ARL13B: variants seen among roughly 807,000 people sequenced by gnomAD.
ARL13B encodes the protein ADP-ribosylation factor-like protein 13B.
ARL13B carries 36 observed loss-of-function variants against 56.1 expected under a neutral mutation model. The observed-to-expected ratio is 0.64, with a 90% CI of 0.49 to 0.85. The LOEUF (loss-of-function observed/expected upper bound fraction) is 0.85. Ranked by LOEUF, ARL13B falls within the 40% of genes least tolerant of loss-of-function variation. The probability of loss-of-function intolerance (pLI) is 0.00; values close to 1 mark genes in which losing one functional copy is unlikely to be tolerated. For synonymous variants in ARL13B, 178 were observed against 171.1 expected (o/e 1.04, Z -0.32); for missense variants, 519 against 507.1 (o/e 1.02, Z -0.23).
chr3:94,055,323 T>C lies in ARL13B; in HGVS notation c.*2060T>C, dbSNP rs1431776121. On this transcript the variant is annotated 3_prime_UTR_variant, in exon 10 of 10. Coordinates refer to ENST00000394222, the MANE Select transcript of ARL13B (RefSeq NM_001174150.2). ...AATTGGTAGATTTAAATGATTTCCT[T>C]TGGGTAATAAAATAGGTAAAGATTT... The C allele has an allele frequency of 1.2e-5, 5 of 431,376 alleles. No homozygotes were observed. Among genetic ancestry groups the C allele is most frequent in the Admixed American group, 7.7e-5 (3 of 39,170 alleles). The allele number at this position is 431,376 out of a possible 1,614,324, so 26.7% of individuals were successfully genotyped here.
intron 7 of ARL13B, among the ~76,000 whole-genome samples, chr3:94,043,945 C>G (rs570264559): frequency 6.6e-6 from 1 of 151,688 alleles, no homozygotes; most frequent in Non-Finnish European, 1.5e-5. Flanking sequence ...GACGGAGTCT[C>G]GCTCACTCAA....
At chr3:93,996,341 C>A (rs2075964474) in intron 2 of ARL13B, among the ~76,000 whole-genome samples, 1 of 152,092 alleles carries the variant, frequency 6.6e-6, no homozygotes, top group African/African-American at 2.4e-5. Context: ...TATAGTTAGC[C>A]AGCATAGTTC....
chr3:94,016,942 G>T (rs1303567604), intron 3 of ARL13B, among the ~76,000 whole-genome samples: 3 of 152,170 alleles, frequency 2.0e-5, no homozygotes, highest in Non-Finnish European at 4.4e-5. Flanking sequence ...ACCGCTCCCA[G>T]CCTAATTAAG....
intron 3 of ARL13B, 39 bp from the exon 4 acceptor site, chr3:94,035,292 A>T (rs1458898827): frequency 7.8e-7 from 1 of 1,278,716 alleles, no homozygotes. Context: ...CCATCCAATT[A>T]TATATATGCT....
intron 3 of ARL13B, among the ~76,000 whole-genome samples, chr3:94,006,907 T>G (rs1368487394): frequency 1.3e-5 from 2 of 152,110 alleles, no homozygotes; most frequent in African/African-American, 4.8e-5. Flanking sequence ...AGCAGAACTG[T>G]GCTAAGCTCA....
intron 3 of ARL13B, among the ~76,000 whole-genome samples, chr3:94,028,982 G>A (rs2076612365): frequency 6.6e-6 from 1 of 151,944 alleles, no homozygotes; most frequent in South Asian, 2.1e-4. Context: ...AATTTCAGAA[G>A]GAGAACATCC....
At chr3:94,031,791 A>T (rs1266832756) in intron 3 of ARL13B, among the ~76,000 whole-genome samples, 3 of 152,216 alleles carry the variant, frequency 2.0e-5, no homozygotes, top group Non-Finnish European at 4.4e-5. Flanking sequence ...TGGTACTGGT[A>T]TAGAAATAGA....
intron 3 of ARL13B, among the ~76,000 whole-genome samples, chr3:94,022,283 G>A (rs781236369): frequency 2.0e-5 from 3 of 151,750 alleles, no homozygotes; most frequent in Non-Finnish European, 4.4e-5. Context: ...CTGCCACCAC[G>A]CACAGCTAAT....
At chr3:94,048,587 T>C (rs1321360689) in intron 7 of ARL13B, among the ~76,000 whole-genome samples, 3 of 152,060 alleles carry the variant, frequency 2.0e-5, no homozygotes, top group African/African-American at 7.2e-5. Flanking sequence ...TTTATTTACT[T>C]ATTTATTTGA....
intron 1 of ARL13B, among the ~76,000 whole-genome samples, chr3:93,993,111 G>A (rs1411580950): frequency 1.3e-5 from 2 of 150,838 alleles, no homozygotes; most frequent in African/African-American, 2.4e-5. Flanking sequence ...GACCTGGCTT[G>A]TTTTATTTTA....
chr3:94,015,574 GT>G (rs917083430), intron 3 of ARL13B, among the ~76,000 whole-genome samples: 12 of 151,322 alleles, frequency 7.9e-5, no homozygotes, highest in South Asian at 2.1e-4. Context: ...TCACATGATA[GT>G]TTTTTTTTGT....
Position 94,051,257 on chromosome 3 carries a change from A to G in ARL13B, c.1210+365A>G, listed in dbSNP as rs1023516601. Among the ~76,000 whole-genome samples, 10 of 152,228 alleles carry G rather than the reference A, an allele frequency of 6.6e-5. No homozygotes were observed. The East Asian group carries it at 1.7e-3, about 26-fold the overall frequency. ...TGTTAAAAGCTGTAGTTTCCTGTAT[A>G]TGCTCAATATACTCAATGATAATGG... On this transcript the variant is annotated intron_variant, in intron 9 of 9. Coordinates refer to ENST00000394222, the MANE Select transcript of ARL13B (RefSeq NM_001174150.2).
chr3:94,040,225 A>C (rs1225624008), intron 6 of ARL13B, among the ~76,000 whole-genome samples: 1 of 152,178 alleles, frequency 6.6e-6, no homozygotes, highest in Non-Finnish European at 1.5e-5. Context: ...AATGACAATA[A>C]ATAAATTTGA....
intron 9 of ARL13B, among the ~76,000 whole-genome samples, chr3:94,052,697 A>G (rs1403131856): frequency 6.6e-6 from 1 of 152,150 alleles, no homozygotes; most frequent in African/African-American, 2.4e-5. Flanking sequence ...AACTTGCTAT[A>G]ACTTTTAAAG....
intron 3 of ARL13B, among the ~76,000 whole-genome samples, chr3:94,017,703 A>G (rs983606285): frequency 2.0e-5 from 3 of 152,220 alleles, no homozygotes; most frequent in Admixed American, 1.3e-4. Flanking sequence ...TGATACAATA[A>G]TCAGGCAGGG....
intron 1 of ARL13B, among the ~76,000 whole-genome samples, chr3:93,989,552 T>C (rs1710637290): frequency 7.0e-6 from 1 of 142,326 alleles, no homozygotes; most frequent in African/African-American, 2.5e-5. Flanking sequence ...AATGCTATGG[T>C]TAATTTTTTT....
At chr3:93,998,225 T>C (rs1390535140) in intron 2 of ARL13B, among the ~76,000 whole-genome samples, 1 of 152,178 alleles carries the variant, frequency 6.6e-6, no homozygotes, top group Non-Finnish European at 1.5e-5. Context: ...CTTTTATCCA[T>C]TCCTCTAAAG....
At chr3:94,018,891 G>T (rs576584624) in intron 3 of ARL13B, among the ~76,000 whole-genome samples, 2 of 151,976 alleles carry the variant, frequency 1.3e-5, no homozygotes, top group Non-Finnish European at 2.9e-5. Flanking sequence ...TCAGCCTCCC[G>T]AGTGGCTGGG....
At chr3:94,053,005 A>G (rs900498451) in intron 9 of ARL13B, among the ~76,000 whole-genome samples, 182 bp from the exon 10 acceptor site, 3 of 152,332 alleles carry the variant, frequency 2.0e-5, no homozygotes, top group Non-Finnish European at 4.4e-5. Context: ...TGTTGGTGCC[A>G]TCTCTTAAGA....
Sources: gnomAD v4.1 joint callset for allele counts (sites outside exome capture counted in the v4.1 genomes callset) on GRCh38, gnomAD v4.1.1 for gene constraint, MANE v1.5 for transcripts, NCBI Gene and HGNC (gene_info 2026-07-23, HGNC 2026-07-21) for gene names.